The following DCC variants were observed in gnomAD, a reference collection of about 807,000 sequenced individuals.
The protein encoded by DCC is DCC netrin 1 receptor, also known as netrin receptor DCC.
DCC carries 58 observed loss-of-function variants against 172.5 expected under a neutral mutation model. The ratio of observed to expected loss-of-function variants is 0.34; its 90% CI spans 0.27 to 0.42. DCC has a LOEUF of 0.42. DCC is among the 10% of genes least tolerant of loss of function. DCC has a pLI of 1.00. For missense variants in DCC, 1,740 were observed against 1,791.0 expected (o/e 0.97, Z 0.51); for synonymous variants, 709 against 644.5 (o/e 1.10, Z -1.52).
intron 7 of DCC, among the ~76,000 whole-genome samples, chr18:53,133,415 A>G (rs1315469966): frequency 6.6e-6 from 1 of 152,176 alleles, no homozygotes. Context: ...CCCTTTTACA[A>G]GATTTAAAGA....
At position 52,972,068 on chromosome 18, in the gene DCC, T is replaced by G. The variant is rs142884703; in HGVS notation, c.985+46698T>G. ...TAACCTCTCTCAAAATGATGTGGAT[T>G]TGAAGCAGAGATGTGAAGAGAAAGG... On this transcript the variant is annotated intron_variant, in intron 5 of 28. Coordinates refer to ENST00000442544, the MANE Select transcript of DCC (RefSeq NM_005215.4). Among the ~76,000 whole-genome samples, 6 of 152,232 alleles carry G rather than the reference T, an allele frequency of 3.9e-5. No homozygotes were observed. The East Asian group carries it at 1.2e-3, about 29-fold the overall frequency.
At chr18:52,588,393 G>T (rs574815930) in intron 1 of DCC, among the ~76,000 whole-genome samples, 9 of 152,230 alleles carry the variant, frequency 5.9e-5, no homozygotes, top group Middle Eastern at 3.4e-3. Context: ...AGCCTTTCAG[G>T]TCACTTGATA....
intron 5 of DCC, among the ~76,000 whole-genome samples, chr18:52,954,190 A>G (rs1327949200): frequency 6.6e-6 from 1 of 152,206 alleles, no homozygotes; most frequent in African/African-American, 2.4e-5. Context: ...TGCAATAAAA[A>G]TCTTCACAAC....
intron 2 of DCC, among the ~76,000 whole-genome samples, chr18:52,765,969 C>T (rs556587197): frequency 6.6e-6 from 1 of 152,304 alleles, no homozygotes; most frequent in Non-Finnish European, 1.5e-5. Flanking sequence ...CATAGTGAAG[C>T]AGGACGTTTC....
chr18:52,900,936 T>C (rs2039800312), intron 2 of DCC, among the ~76,000 whole-genome samples: 1 of 152,216 alleles, frequency 6.6e-6, no homozygotes, highest in Admixed American at 6.5e-5. Context: ...TACTTCAGGC[T>C]GAAATTTGTC....
intron 1 of DCC, among the ~76,000 whole-genome samples, chr18:52,348,458 A>G (rs957127195): frequency 2.0e-5 from 3 of 152,210 alleles, no homozygotes; most frequent in African/African-American, 7.2e-5. Context: ...TGCCTCTGCC[A>G]ACACTTGGTA....
chr18:52,733,437 C>G (rs766810345), intron 1 of DCC, among the ~76,000 whole-genome samples: 1 of 152,122 alleles, frequency 6.6e-6, no homozygotes, highest in Non-Finnish European at 1.5e-5. Context: ...GTTAGTGTAA[C>G]TAGTCTGCAG....
chr18:52,879,906 ATAG>A (rs1468761725), intron 2 of DCC, among the ~76,000 whole-genome samples: 3 of 152,146 alleles, frequency 2.0e-5, no homozygotes, highest in South Asian at 2.1e-4. Context: ...TTGTGGGTAC[ATAG>A]TAGGTGTATA....
intron 5 of DCC, among the ~76,000 whole-genome samples, chr18:52,960,507 T>C (rs2040825203): frequency 6.6e-6 from 1 of 152,168 alleles, no homozygotes. Context: ...AACTCATTTA[T>C]TTTTCTTCAA....
chr18:52,738,332 C>A (rs2036759925), intron 1 of DCC, among the ~76,000 whole-genome samples: 1 of 152,144 alleles, frequency 6.6e-6, no homozygotes, highest in South Asian at 2.1e-4. Context: ...GTAGAGCTGA[C>A]TACACACCTA....
chr18:53,021,453 GAGGGTGAC>G (rs1206235388), intron 5 of DCC, among the ~76,000 whole-genome samples: 1 of 152,188 alleles, frequency 6.6e-6, no homozygotes, highest in African/African-American at 2.4e-5. Flanking sequence ...GAAGTCAAGT[GAGGGTGAC>G]AGGCACAGTG....
rs1377237078 is a variant in DCC at position 53,533,018 on chromosome 18, G to A, written c.*2365G>A. On this transcript the variant is annotated 3_prime_UTR_variant, in exon 29 of 29. Coordinates refer to ENST00000442544, the MANE Select transcript of DCC (RefSeq NM_005215.4). Reference sequence around the variant, plus strand: ...TTTGTCTTAGTAACTGGCAATGCCAGTATTAGCACCATGCATTTAATCTAT... The same window carrying A: ...TTTGTCTTAGTAACTGGCAATGCCAATATTAGCACCATGCATTTAATCTAT... 6.6e-6 allele frequency: 1 copy of A among 152,158 alleles called. No homozygotes were observed. The highest frequency in any genetic ancestry group is 1.5e-5 in the Non-Finnish European group (1 of 68,030). 9.4% of individuals were successfully genotyped at this position (152,158 alleles called of 1,614,324 possible).
chr18:52,540,926 G>A (rs529400033), intron 1 of DCC, among the ~76,000 whole-genome samples: 1 of 152,088 alleles, frequency 6.6e-6, no homozygotes, highest in African/African-American at 2.4e-5. Flanking sequence ...TTTATTAGAG[G>A]GAAATACGTG....
intron 15 of DCC, among the ~76,000 whole-genome samples, chr18:53,367,338 A>T (rs1435185272): frequency 6.6e-6 from 1 of 152,188 alleles, no homozygotes; most frequent in Non-Finnish European, 1.5e-5. Context: ...GAAAAACAAC[A>T]AAACAATAAG....
chr18:53,264,425 G>A (rs972074431), intron 12 of DCC, among the ~76,000 whole-genome samples: 1 of 145,994 alleles, frequency 6.8e-6, no homozygotes, highest in Non-Finnish European at 1.5e-5. Context: ...GCAGTGAGCT[G>A]AGATTGCGCC....
At chr18:53,274,992 C>G (rs1017864155) in intron 12 of DCC, among the ~76,000 whole-genome samples, 5 of 152,116 alleles carry the variant, frequency 3.3e-5, no homozygotes, top group African/African-American at 1.2e-4. Flanking sequence ...ACTCTCAAAT[C>G]TTGTCCTCTA....
chr18:52,832,890 G>A (rs1053366885), intron 2 of DCC, among the ~76,000 whole-genome samples: 7 of 152,116 alleles, frequency 4.6e-5, no homozygotes, highest in Admixed American at 1.3e-4. Flanking sequence ...CTCAAAGACA[G>A]ATGGCAATTC....
intron 7 of DCC, among the ~76,000 whole-genome samples, chr18:53,095,170 T>C (rs1164577419): frequency 6.6e-6 from 1 of 152,212 alleles, no homozygotes; most frequent in Non-Finnish European, 1.5e-5. Flanking sequence ...AGTCTTTTTA[T>C]AGAGGTTTAA....
intron 15 of DCC, among the ~76,000 whole-genome samples, chr18:53,367,827 A>G (rs1465102359): frequency 6.6e-6 from 1 of 152,162 alleles, no homozygotes; most frequent in Non-Finnish European, 1.5e-5. Context: ...CTGAAGATTA[A>G]TCTGTGTTAA....
Sources: gnomAD v4.1 joint callset for allele counts (sites outside exome capture counted in the v4.1 genomes callset) on GRCh38, gnomAD v4.1.1 for gene constraint, MANE v1.5 for transcripts, NCBI Gene and HGNC (gene_info 2026-07-23, HGNC 2026-07-21) for gene names.